The following ERMARD variants were observed in gnomAD, a reference collection of about 807,000 sequenced individuals.
ERMARD encodes the protein ER membrane associated RNA degradation.
ERMARD carries 71 observed loss-of-function variants against 83.9 expected under a neutral mutation model. The ratio of observed to expected loss-of-function variants is 0.85; its 90% CI spans 0.70 to 1.03. The LOEUF is 1.03. ERMARD is among the 50% of genes least tolerant of loss of function. ERMARD has a pLI of 0.00. For synonymous variants in ERMARD, 284 were observed against 298.6 expected, an observed-to-expected ratio of 0.95 and a Z score of 0.50; for missense variants, 838 against 810.9, an observed-to-expected ratio of 1.03 and a Z score of -0.41.
chr6:169,773,622 G>T (rs1270827298), intron 13 of ERMARD, among the ~76,000 whole-genome samples: 32 of 152,192 alleles, frequency 2.1e-4, no homozygotes, highest in Admixed American at 1.8e-3. Context: ...ATGCGGTGCT[G>T]ACGGCACTGA....
intron 16 of ERMARD, among the ~76,000 whole-genome samples, chr6:169,778,535 G>A (rs1193660773): frequency 1.3e-5 from 2 of 152,152 alleles, no homozygotes; most frequent in Non-Finnish European, 2.9e-5. Context: ...GGCCATTTTG[G>A]ATACATTTCT....
Position 169,762,545 on chromosome 6 carries a change from T to C in ERMARD, c.960+14T>C. On this transcript the variant is annotated intron_variant, in intron 9 of 17. Coordinates refer to ENST00000366773, the MANE Select transcript of ERMARD (RefSeq NM_018341.3). ...CTGACTGCTGAGGTAAGCTTGTTTTTATTATTGATTGTGATCATTGTTGCT... is the reference window on the plus strand; with the variant it reads ...CTGACTGCTGAGGTAAGCTTGTTTTCATTATTGATTGTGATCATTGTTGCT... The C allele has an allele frequency of 6.3e-7, 1 of 1,599,926 alleles. No individual in the cohort carries two copies. The highest frequency in any genetic ancestry group is 8.6e-7 in the Non-Finnish European group (1 of 1,169,026).
intron 1 of ERMARD, 21 bp from the exon 2 acceptor site, chr6:169,753,843 T>A (rs1462607440): frequency 6.7e-7 from 1 of 1,490,064 alleles, no homozygotes; most frequent in African/African-American, 1.4e-5. Context: ...GCAGTGCCTT[T>A]TATTTTATTT....
chr6:169,765,056 C>T (rs973046097), intron 9 of ERMARD, among the ~76,000 whole-genome samples: 1 of 152,256 alleles, frequency 6.6e-6, no homozygotes, highest in Non-Finnish European at 1.5e-5. Context: ...GGCCACTCAG[C>T]GCGGTGTGGA....
At chr6:169,758,850 T>C in intron 5 of ERMARD, 118 bp from the exon 6 acceptor site, 1 of 847,874 alleles carries the variant, frequency 1.2e-6, no homozygotes. Context: ...ATTACTGCTA[T>C]ATACTAGCCA....
intron 10 of ERMARD, 54 bp downstream of exon 10, chr6:169,766,721 T>A (rs1357102138): frequency 3.3e-6 from 5 of 1,500,266 alleles, no homozygotes; most frequent in Non-Finnish European, 3.6e-6. Flanking sequence ...CTGTCTTCTT[T>A]TAAAATACAA....
chr6:169,766,756 G>T, intron 10 of ERMARD, 89 bp downstream of exon 10: 1 of 1,347,000 alleles, frequency 7.4e-7, no homozygotes, highest in Non-Finnish European at 9.9e-7. Flanking sequence ...TTAAAGATCA[G>T]CCATAAATCA....
intron 12 of ERMARD, chr6:169,772,158 C>T (rs1793001530): frequency 6.6e-6 from 1 of 152,392 alleles, no homozygotes; most frequent in Admixed American, 6.5e-5. Flanking sequence ...TCTGCGAGCC[C>T]TTCACCTTGT....
At chr6:169,761,242 G>A (rs975645435) in intron 8 of ERMARD, among the ~76,000 whole-genome samples, 1 of 152,122 alleles carries the variant, frequency 6.6e-6, no homozygotes. Flanking sequence ...TTTGAGACTG[G>A]GTCTCACCCT....
At chr6:169,751,419 G>A (rs1329507496), upstream of ERMARD, 17 of 1,614,068 alleles carry the variant, frequency 1.1e-5, no homozygotes, top group African/African-American at 4.0e-5. Context: ...TTCGGGGTCT[G>A]GATGGGGCTC....
At chr6:169,751,609 C>G (rs371732324), upstream of ERMARD, 1 of 1,586,444 alleles carries the variant, frequency 6.3e-7, no homozygotes, top group African/African-American at 1.3e-5. Context: ...AGGAGGGGCG[C>G]GCAGGCGCCT....
chr6:169,775,321 G>A lies in ERMARD; in HGVS notation c.1369G>A (p.Glu457Lys), dbSNP rs376417698. The A allele has an allele frequency of 4.8e-4, 782 of 1,613,790 alleles. No individual in the cohort carries two copies. Among genetic ancestry groups the A allele is most frequent in the Non-Finnish European group, 6.4e-4 (754 of 1,179,820 alleles). The part of the protein sequence containing the change: ...IRVWALLPFP[E>K]ELTRQAVRLE... ...GGTTTGGGCTCTGCTGCCTTTCCCC[G>A]AAGAACTCACTCGGCAAGCCGTCAG... Residue 457 changes from glutamate (E) to lysine (K), a missense_variant, in exon 14 of 18, where the codon GAA (glutamate) becomes AAA (lysine). Glu to Lys is a moderately conservative substitution (Grantham distance 56). Coordinates refer to ENST00000366773, the MANE Select transcript of ERMARD (RefSeq NM_018341.3).
At chr6:169,759,527 C>G (rs1332254582) in intron 6 of ERMARD, among the ~76,000 whole-genome samples, 1 of 152,120 alleles carries the variant, frequency 6.6e-6, no homozygotes, top group South Asian at 2.1e-4. Context: ...TTAAGTGATC[C>G]TCCCGACTCA....
At chr6:169,769,440 G>A (rs1356180648) in intron 11 of ERMARD, 100 bp from the exon 12 acceptor site, 2 of 1,138,454 alleles carry the variant, frequency 1.8e-6, no homozygotes, top group South Asian at 3.5e-5. Flanking sequence ...GGGCTTCAGA[G>A]GACTTGATGG....
intron 15 of ERMARD, 60 bp downstream of exon 15, chr6:169,776,125 A>G (rs1793566153): frequency 6.3e-7 from 1 of 1,594,440 alleles, no homozygotes; most frequent in South Asian, 1.1e-5. Flanking sequence ...TAGCATAGCA[A>G]ACTTAGCATT....
At chr6:169,778,695 A>G (rs1298792385) in intron 16 of ERMARD, among the ~76,000 whole-genome samples, 1 of 152,218 alleles carries the variant, frequency 6.6e-6, no homozygotes, top group Non-Finnish European at 1.5e-5. Context: ...AAACCACAAT[A>G]TTTTTACATG....
At chr6:169,757,081 C>T (rs994075557) in intron 5 of ERMARD, among the ~76,000 whole-genome samples, 1 of 152,138 alleles carries the variant, frequency 6.6e-6, no homozygotes, top group Non-Finnish European at 1.5e-5. Context: ...CGGGAAAGAC[C>T]GGTCCCCATG....
chr6:169,767,756 T>TACAC (rs59747825), intron 10 of ERMARD: 49,196 of 258,422 alleles, frequency 0.19, 4,968 homozygotes, highest in African/African-American at 0.4. Flanking sequence ...GCACATACAC[T>TACAC]ACACACACAC....
chr6:169,766,177 T>C (rs1040025144), intron 9 of ERMARD, among the ~76,000 whole-genome samples: 4 of 152,210 alleles, frequency 2.6e-5, no homozygotes. Context: ...GCAGTTGGGA[T>C]CAGAACTCAG....
Sources: allele counts gnomAD v4.1 joint callset (sites outside exome capture counted in the v4.1 genomes callset), GRCh38; gene constraint gnomAD v4.1.1; transcripts MANE v1.5; gene names NCBI Gene and HGNC (gene_info 2026-07-23, HGNC 2026-07-21).